The following PRR5L variants were observed in gnomAD, a reference collection of about 807,000 sequenced individuals.
PRR5L encodes the protein proline rich 5 like.
PRR5L carries 21 observed loss-of-function variants against 36.4 expected under a neutral mutation model. The ratio of observed to expected loss-of-function variants is 0.58; its 90% CI spans 0.41 to 0.83. PRR5L has a LOEUF of 0.83. Ranked by LOEUF, PRR5L falls within the 40% of genes least tolerant of loss-of-function variation. The pLI is 0.00. For missense variants in PRR5L, 381 were observed against 473.3 expected, an observed-to-expected ratio of 0.80 and a Z score of 1.81; for synonymous variants, 188 against 197.0, an observed-to-expected ratio of 0.95 and a Z score of 0.38.
intron 6 of PRR5L, among the ~76,000 whole-genome samples, chr11:36,442,039 T>C (rs894118287): frequency 6.6e-5 from 10 of 152,142 alleles, no homozygotes; most frequent in African/African-American, 2.4e-4. Context: ...GGAGGGACTG[T>C]CCCAGAGGTT....
chr11:36,405,745 G>A (rs7925254), intron 3 of PRR5L, among the ~76,000 whole-genome samples: 7,257 of 152,268 alleles, frequency 0.048, 237 homozygotes, highest in African/African-American at 0.088. Flanking sequence ...TCAATGTCCT[G>A]GAGGCTGGGA....
intron 1 of PRR5L, among the ~76,000 whole-genome samples, chr11:36,303,519 G>A (rs1268029036): frequency 6.6e-6 from 1 of 152,098 alleles, no homozygotes; most frequent in Non-Finnish European, 1.5e-5. Context: ...CTCACTTTTG[G>A]TGCAACTTGC....
At chr11:36,409,686 G>A (rs553517407) in intron 3 of PRR5L, among the ~76,000 whole-genome samples, 19 of 152,316 alleles carry the variant, frequency 1.2e-4, no homozygotes, top group South Asian at 4.1e-4. Context: ...CTGATGCCAC[G>A]AGGTAATGAT....
chr11:36,379,455 T>C (rs1249167706), intron 1 of PRR5L: 1 of 152,226 alleles, frequency 6.6e-6, no homozygotes, highest in Non-Finnish European at 1.5e-5. Flanking sequence ...ATGTCTAATG[T>C]TCATCATTAA....
rs537335026 is a variant in PRR5L at position 36,358,459 on chromosome 11, AT to A, written c.-125-42532del. 1.7e-3 allele frequency among the ~76,000 whole-genome samples: 253 copies of A among 152,306 alleles called. 3 individuals are homozygous for A. Among genetic ancestry groups the A allele is most frequent in the Middle Eastern group, 0.01 (3 of 294 alleles). Reference sequence around the variant, plus strand: ...CTCACTGAAGCCTCAGATGATCAACATTTTTTAGCCGTATTTTTAAATTAAA... The same window carrying A: ...CTCACTGAAGCCTCAGATGATCAACATTTTTAGCCGTATTTTTAAATTAAA... On this transcript the variant is annotated intron_variant, in intron 1 of 8. Coordinates refer to ENST00000530639, the MANE Select transcript of PRR5L (RefSeq NM_001160167.2).
chr11:36,375,064 A>G lies in PRR5L; in HGVS notation c.-125-25933A>G, dbSNP rs561168889. 3.7e-4 allele frequency among the ~76,000 whole-genome samples: 57 copies of G among 152,088 alleles called. No individual in the cohort carries two copies. The East Asian group carries it at 7.0e-3, about 19-fold the overall frequency. ...AGCCTGGCCAACATGGTGAAACCCT[A>G]TCTCTACTAAAAATACAATAATTAG... On this transcript the variant is annotated intron_variant, in intron 1 of 8. Coordinates refer to ENST00000530639, the MANE Select transcript of PRR5L (RefSeq NM_001160167.2).
chr11:36,435,459 A>G (rs754383238), intron 5 of PRR5L, among the ~76,000 whole-genome samples: 5 of 152,174 alleles, frequency 3.3e-5, no homozygotes, highest in African/African-American at 1.2e-4. Flanking sequence ...ATGGGGAGAG[A>G]CTTTCCCCTA....
intron 1 of PRR5L, among the ~76,000 whole-genome samples, chr11:36,304,443 A>T (rs377718121): frequency 1.4e-4 from 21 of 152,278 alleles, no homozygotes; most frequent in African/African-American, 5.1e-4. Context: ...GAGCCTTCCA[A>T]TCCATATATG....
chr11:36,358,291 C>T (rs1857049803), intron 1 of PRR5L, among the ~76,000 whole-genome samples: 1 of 152,152 alleles, frequency 6.6e-6, no homozygotes, highest in South Asian at 2.1e-4. Context: ...ATGGAAGAAT[C>T]AATCAATGAG....
At chr11:36,362,024 G>T (rs1349016662) in intron 1 of PRR5L, 1 of 147,302 alleles carries the variant, frequency 6.8e-6, no homozygotes, top group Non-Finnish European at 1.5e-5. Context: ...AAGTCGGGGG[G>T]TGCTGAAGTA....
intron 4 of PRR5L, 124 bp from the exon 5 acceptor site, chr11:36,431,729 C>A: frequency 1.2e-6 from 1 of 818,544 alleles, no homozygotes; most frequent in Non-Finnish European, 2.0e-6. Flanking sequence ...TCTTAAACTC[C>A]GAGGCACGGC....
intron 1 of PRR5L, among the ~76,000 whole-genome samples, chr11:36,348,794 C>G (rs1197504166): frequency 6.6e-6 from 1 of 152,190 alleles, no homozygotes; most frequent in Admixed American, 6.5e-5. Flanking sequence ...CACAACACCC[C>G]TATAACTCCG....
intron 6 of PRR5L, among the ~76,000 whole-genome samples, chr11:36,444,385 T>A (rs1358954990): frequency 6.6e-6 from 1 of 152,256 alleles, no homozygotes; most frequent in Non-Finnish European, 1.5e-5. Context: ...AAGGAGCAGT[T>A]ACCAGTGTGG....
chr11:36,406,325 T>C (rs565554863), intron 3 of PRR5L, among the ~76,000 whole-genome samples: 98 of 152,184 alleles, frequency 6.4e-4, no homozygotes, highest in African/African-American at 2.2e-3. Flanking sequence ...CAGATATAAA[T>C]TGAGCCCAGA....
At chr11:36,460,409 G>C (rs79002342) in intron 8 of PRR5L, among the ~76,000 whole-genome samples, 1 of 151,890 alleles carries the variant, frequency 6.6e-6, no homozygotes, top group Non-Finnish European at 1.5e-5. Context: ...CAAGTCTGCC[G>C]TTCCTTTGTT....
intron 1 of PRR5L, among the ~76,000 whole-genome samples, chr11:36,297,763 T>C (rs977280558): frequency 6.6e-6 from 1 of 152,210 alleles, no homozygotes. Flanking sequence ...TGGTTCCCAG[T>C]GGAGACTTTT....
At chr11:36,357,720 A>G (rs1022056401) in intron 1 of PRR5L, among the ~76,000 whole-genome samples, 3 of 152,164 alleles carry the variant, frequency 2.0e-5, no homozygotes, top group African/African-American at 7.2e-5. Flanking sequence ...AAAAAAAAAG[A>G]TGCCTTTAAA....
intron 1 of PRR5L, among the ~76,000 whole-genome samples, chr11:36,338,442 T>C (rs1363111274): frequency 6.6e-6 from 1 of 152,246 alleles, no homozygotes; most frequent in Non-Finnish European, 1.5e-5. Context: ...GACGTGGCAC[T>C]CTTCTAGAAA....
chr11:36,407,896 T>C (rs1857943547), intron 3 of PRR5L, among the ~76,000 whole-genome samples: 1 of 152,154 alleles, frequency 6.6e-6, no homozygotes, highest in Non-Finnish European at 1.5e-5. Context: ...TTTGAAGTAA[T>C]TATGAGGAAG....
Sources: allele counts gnomAD v4.1 joint callset (sites outside exome capture counted in the v4.1 genomes callset), GRCh38; gene constraint gnomAD v4.1.1; transcripts MANE v1.5; gene names NCBI Gene and HGNC (gene_info 2026-07-23, HGNC 2026-07-21).